The following CDKN2B-AS1 variants were observed in gnomAD, a reference collection of about 807,000 sequenced individuals.
CDKN2B-AS1 encodes CDKN2B and CDKN2A antisense cis and trans regulatory RNA 1.
intron 4 of CDKN2B-AS1, among the ~76,000 whole-genome samples, chr9:22,087,878 T>A (rs548185695): frequency 6.6e-6 from 1 of 152,122 alleles, no homozygotes; most frequent in Non-Finnish European, 1.5e-5. Flanking sequence ...ATGCCATGAG[T>A]GAAATAATGT....
chr9:22,028,635 GA>G (rs1206071110), intron 1 of CDKN2B-AS1, among the ~76,000 whole-genome samples: 3 of 151,956 alleles, frequency 2.0e-5, no homozygotes, highest in Non-Finnish European at 4.4e-5. Context: ...CAAAAGTTAA[GA>G]AAAAAATATG....
intron 4 of CDKN2B-AS1, chr9:22,112,517 T>C (rs1267370905): frequency 6.6e-6 from 1 of 152,192 alleles, no homozygotes; most frequent in East Asian, 1.9e-4. Context: ...TGTGGCTGAC[T>C]ATATAAAAAC....
At chr9:22,033,595 G>T (rs1822566398) in intron 1 of CDKN2B-AS1, among the ~76,000 whole-genome samples, 1 of 152,054 alleles carries the variant, frequency 6.6e-6, no homozygotes, top group Admixed American at 6.6e-5. Context: ...TTTGCAACTG[G>T]TACAAGGCTA....
chr9:22,080,504 T>C (rs932531753), intron 4 of CDKN2B-AS1, among the ~76,000 whole-genome samples: 5 of 151,944 alleles, frequency 3.3e-5, no homozygotes, highest in African/African-American at 1.2e-4. Flanking sequence ...GGGTTGAGAG[T>C]CTTTAAGGAG....
At chr9:22,030,945 CAGGTGTAGTT>C (rs899808847) in intron 1 of CDKN2B-AS1, 2 of 152,050 alleles carry the variant, frequency 1.3e-5, no homozygotes, top group Non-Finnish European at 2.9e-5. Context: ...TTTCTTTCAC[CAGGTGTAGTT>C]AGGTTTGCTC....
chr9:22,038,473 G>A (rs1822775943), intron 1 of CDKN2B-AS1, among the ~76,000 whole-genome samples: 1 of 151,832 alleles, frequency 6.6e-6, no homozygotes, highest in Middle Eastern at 3.2e-3. Flanking sequence ...TACTTTAATT[G>A]CTCAGCTGCC....
At chr9:22,099,510 G>T (rs189536107) in intron 4 of CDKN2B-AS1, among the ~76,000 whole-genome samples, 1 of 152,184 alleles carries the variant, frequency 6.6e-6, no homozygotes, top group East Asian at 1.9e-4. Flanking sequence ...TACTTTTTTA[G>T]CTGGTCATTT....
intron 1 of CDKN2B-AS1, chr9:22,003,748 G>T (rs1821034780): frequency 4.3e-6 from 1 of 232,030 alleles, no homozygotes; most frequent in African/African-American, 2.2e-5. Flanking sequence ...TTATAGGTGT[G>T]TTGGGGGGGG....
Position 22,059,461 on chromosome 9 carries a change from G to A in CDKN2B-AS1, n.438+3074G>A, listed in dbSNP as rs191950788. Among the ~76,000 whole-genome samples, 405 of 152,328 alleles carry A rather than the reference G, an allele frequency of 2.7e-3. 1 individual carries two copies. The highest frequency in any genetic ancestry group is 4.7e-3 in the Non-Finnish European group (318 of 68,032). On this transcript the variant is annotated intron_variant and non_coding_transcript_variant, in intron 4 of 4. Coordinates refer to ENST00000650946, the Ensembl canonical transcript of CDKN2B-AS1. ...ATATCCAGGTTATGCTGATGCAGGA[G>A]GTGGGTTGCCATGGTCTTGGGCAGC...
At chr9:22,033,330 T>A (rs1349832051) in intron 1 of CDKN2B-AS1, among the ~76,000 whole-genome samples, 1 of 152,176 alleles carries the variant, frequency 6.6e-6, no homozygotes, top group Admixed American at 6.5e-5. Context: ...TTCTGGTAAA[T>A]GGAGGGGCAG....
At chr9:22,104,352 C>T (rs1825586335) in intron 4 of CDKN2B-AS1, among the ~76,000 whole-genome samples, 1 of 152,218 alleles carries the variant, frequency 6.6e-6, no homozygotes, top group Non-Finnish European at 1.5e-5. Flanking sequence ...ATGGAAGTGA[C>T]TTTTCTTACA....
intron 1 of CDKN2B-AS1, among the ~76,000 whole-genome samples, chr9:22,019,586 C>T (rs1407357658): frequency 6.6e-6 from 1 of 152,052 alleles, no homozygotes; most frequent in East Asian, 1.9e-4. Flanking sequence ...AGTTCAGGTT[C>T]AGCAAAACTG....
chr9:22,035,553 T>C (rs959314585), intron 1 of CDKN2B-AS1, among the ~76,000 whole-genome samples: 6 of 152,144 alleles, frequency 3.9e-5, no homozygotes, highest in Non-Finnish European at 7.4e-5. Flanking sequence ...AAAGTCTAGG[T>C]GTGCCTAGCT....
At chr9:22,098,241 T>C (rs1319416525) in intron 4 of CDKN2B-AS1, among the ~76,000 whole-genome samples, 2 of 151,524 alleles carry the variant, frequency 1.3e-5, no homozygotes, top group Admixed American at 1.3e-4. Context: ...TATGTGTGTG[T>C]ATACATTTAT....
rs574278823 is a variant in CDKN2B-AS1, at chr9:22,024,438, A to G, written n.30-22313A>G. The stretch of plus-strand genomic sequence containing the variant: ...TTGTGGGGAACAGGAGGCTCCTGCT[A>G]TAGACTGTCTGTGCTTTTGCACTGG... On this transcript the variant is annotated intron_variant and non_coding_transcript_variant, in intron 1 of 4. Coordinates refer to ENST00000650946, the Ensembl canonical transcript of CDKN2B-AS1. Among the ~76,000 whole-genome samples the G allele has an allele frequency of 3.3e-5, 5 of 152,270 alleles. No individual in the cohort carries two copies. The South Asian group carries it at 1.0e-3, about 32-fold the overall frequency.
chr9:22,042,675 C>G (rs1001782890), intron 1 of CDKN2B-AS1, among the ~76,000 whole-genome samples: 6 of 152,056 alleles, frequency 3.9e-5, no homozygotes, highest in Admixed American at 6.6e-5. Flanking sequence ...TGTTGTTTCA[C>G]AAGTACTCAG....
chr9:22,023,306 G>A (rs960384994), intron 1 of CDKN2B-AS1, among the ~76,000 whole-genome samples: 5 of 151,966 alleles, frequency 3.3e-5, no homozygotes, highest in African/African-American at 1.2e-4. Flanking sequence ...ATTTCTAGGA[G>A]GTTTTGTTTA....
intron 1 of CDKN2B-AS1, among the ~76,000 whole-genome samples, chr9:22,024,620 C>T (rs2131230817): frequency 6.6e-6 from 1 of 152,276 alleles, no homozygotes; most frequent in Admixed American, 6.5e-5. Flanking sequence ...GCAGGGCTTG[C>T]TGGCTGTGTG....
intron 4 of CDKN2B-AS1, among the ~76,000 whole-genome samples, chr9:22,092,788 G>A (rs1825138739): frequency 6.6e-6 from 1 of 151,960 alleles, no homozygotes; most frequent in Admixed American, 6.6e-5. Flanking sequence ...TGGATTCATT[G>A]ATTTTTTTGG....
Sources: gnomAD v4.1 joint callset for allele counts (sites outside exome capture counted in the v4.1 genomes callset) on GRCh38, gnomAD v4.1.1 for gene constraint, MANE v1.5 for transcripts, NCBI Gene and HGNC (gene_info 2026-07-23, HGNC 2026-07-21) for gene names.